KCNMA1: variants seen among roughly 807,000 people sequenced by gnomAD.
KCNMA1 encodes potassium calcium-activated channel subfamily M alpha 1, also known as Calcium-activated potassium channel subunit alpha-1.
KCNMA1 carries 29 observed loss-of-function variants against 140.0 expected under a neutral mutation model. The observed-to-expected ratio is 0.21, with a 90% CI of 0.15 to 0.28. KCNMA1 has a LOEUF of 0.28. Ranked by LOEUF, KCNMA1 falls within the 10% of genes least tolerant of loss-of-function variation. The pLI is 1.00. For missense variants in KCNMA1, 880 were observed against 1,602.2 expected (o/e 0.55, Z 7.70); for synonymous variants, 612 against 611.9 (o/e 1.00, Z 0.00).
intron 9 of KCNMA1, among the ~76,000 whole-genome samples, chr10:77,103,689 C>T (rs558904290): frequency 8.5e-5 from 13 of 152,280 alleles, no homozygotes; most frequent in African/African-American, 2.9e-4. Context: ...TCCTTGAGAG[C>T]CTTTCATTGC....
chr10:77,114,000 C>T (rs2153897760), intron 6 of KCNMA1, among the ~76,000 whole-genome samples: 1 of 152,306 alleles, frequency 6.6e-6, no homozygotes, highest in South Asian at 2.1e-4. Context: ...TTAAGAATCT[C>T]TTCGGGGATG....
chr10:77,445,799 C>T (rs907133103), intron 1 of KCNMA1, among the ~76,000 whole-genome samples: 2 of 152,170 alleles, frequency 1.3e-5, no homozygotes, highest in Admixed American at 1.3e-4. Flanking sequence ...GAGAGGCTAG[C>T]GCAAACAGGC....
At chr10:77,397,437 G>A (rs1010276186) in intron 2 of KCNMA1, among the ~76,000 whole-genome samples, 3 of 152,028 alleles carry the variant, frequency 2.0e-5, no homozygotes, top group Non-Finnish European at 2.9e-5. Flanking sequence ...ATTAGATCAG[G>A]GTAACAGAAA....
intron 1 of KCNMA1, among the ~76,000 whole-genome samples, chr10:77,424,598 A>T (rs903672262): frequency 1.3e-5 from 2 of 152,072 alleles, no homozygotes; most frequent in Non-Finnish European, 2.9e-5. Context: ...AAAAAAAAAA[A>T]TACAATCTCT....
chr10:77,179,554 G>A (rs2098785569), intron 5 of KCNMA1, among the ~76,000 whole-genome samples: 1 of 152,136 alleles, frequency 6.6e-6, no homozygotes, highest in Admixed American at 6.5e-5. Context: ...TTATGAGTAA[G>A]CACCGATGGA....
intron 2 of KCNMA1, among the ~76,000 whole-genome samples, chr10:77,262,557 G>C (rs2062299375): frequency 6.7e-6 from 1 of 148,254 alleles, no homozygotes; most frequent in Admixed American, 6.7e-5. Flanking sequence ...TGTTGGAGGT[G>C]AGGCCTGATG....
Position 77,121,021 on chromosome 10 carries a change from A to G in KCNMA1, c.836T>C (p.Leu279Pro). 6.2e-7 allele frequency: 1 copy of G among 1,601,448 alleles called. No individual in the cohort carries two copies. The highest frequency in any genetic ancestry group is 8.5e-7 in the Non-Finnish European group (1 of 1,169,944). The change falls in exon 6 of 28, where the codon CTG becomes CCG. Residue 279 changes from leucine to proline, a missense_variant. Physicochemically the swap from Leu to Pro is moderately conservative, Grantham distance 98 (BLOSUM62 -3). Transcript: ENST00000286628. ...LGLRFLRALR[L>P]IQFSEILQFL... ...CTGCAAAATTTCTGAAAACTGTATCAGTCTCAGAGCTCTTAAAAATCTCAA... is the reference window on the plus strand; with the variant it reads ...CTGCAAAATTTCTGAAAACTGTATCGGTCTCAGAGCTCTTAAAAATCTCAA...
chr10:77,245,075 A>G (rs953945830), intron 3 of KCNMA1, among the ~76,000 whole-genome samples: 1 of 151,932 alleles, frequency 6.6e-6, no homozygotes, highest in Non-Finnish European at 1.5e-5. Context: ...AGTATTTTAA[A>G]AGGAAAAAAA....
chr10:77,067,937 T>C lies in KCNMA1; in HGVS notation c.1749+5160A>G, dbSNP rs903987419. On this transcript the variant is annotated intron_variant, in intron 14 of 27. Transcript: ENST00000286628. ...CCCCAGGGCATCTCTATTGCATCAA[T>C]AGTTCACATAGAATGAACTATAGAA... 5.9e-5 allele frequency among the ~76,000 whole-genome samples: 9 copies of C among 152,222 alleles called. No homozygotes were observed. The East Asian group carries it at 7.7e-4, about 13-fold the overall frequency.
chr10:77,104,140 C>T (rs141678877), intron 9 of KCNMA1, among the ~76,000 whole-genome samples: 1 of 152,272 alleles, frequency 6.6e-6, no homozygotes, highest in Non-Finnish European at 1.5e-5. Flanking sequence ...GATGGTAATA[C>T]CTTTCTCACA....
At chr10:77,171,400 C>CGTGTGTGTGTGTGTGT (rs60927086) in intron 5 of KCNMA1, among the ~76,000 whole-genome samples, 54 of 129,042 alleles carry the variant, frequency 4.2e-4, no homozygotes, top group Middle Eastern at 4.0e-3. Flanking sequence ...TGTGTGTGTG[C>CGTGTGTGTGTGTGTGT]GTGTGTGTGT....
At chr10:77,494,800 T>C (rs972717424) in intron 1 of KCNMA1, among the ~76,000 whole-genome samples, 1 of 152,178 alleles carries the variant, frequency 6.6e-6, no homozygotes, top group Non-Finnish European at 1.5e-5. Flanking sequence ...GACATGGAGA[T>C]GTCGTTGGGG....
chr10:77,245,375 T>A (rs1324271765), intron 3 of KCNMA1, among the ~76,000 whole-genome samples: 1 of 152,142 alleles, frequency 6.6e-6, no homozygotes, highest in Non-Finnish European at 1.5e-5. Context: ...AAATGCGCTG[T>A]CATGAATGGG....
intron 1 of KCNMA1, among the ~76,000 whole-genome samples, chr10:77,619,016 C>T (rs750970768): frequency 1.3e-5 from 2 of 152,104 alleles, no homozygotes; most frequent in Non-Finnish European, 2.9e-5. Context: ...GTGTGGAGAG[C>T]TTGGGAAGAT....
chr10:77,293,591 C>T (rs1194590821), intron 2 of KCNMA1, among the ~76,000 whole-genome samples: 2 of 152,202 alleles, frequency 1.3e-5, no homozygotes, highest in African/African-American at 2.4e-5. Context: ...TCCACTGGAC[C>T]GTCTAGACTT....
At chr10:76,941,936 T>C (rs565275448) in intron 23 of KCNMA1, among the ~76,000 whole-genome samples, 44 of 152,130 alleles carry the variant, frequency 2.9e-4, no homozygotes, top group Admixed American at 7.2e-4. Flanking sequence ...GAGGGGTCTC[T>C]CTCAGGCTTC....
At chr10:77,468,001 A>G (rs1446793160) in intron 1 of KCNMA1, among the ~76,000 whole-genome samples, 8 of 151,944 alleles carry the variant, frequency 5.3e-5, no homozygotes, top group Non-Finnish European at 1.2e-4. Context: ...TTTTATTTTT[A>G]TTTTTATTTA....
intron 1 of KCNMA1, among the ~76,000 whole-genome samples, chr10:77,569,572 T>C (rs896670537): frequency 1.3e-5 from 2 of 151,680 alleles, no homozygotes; most frequent in African/African-American, 4.9e-5. Context: ...TTACACCTTA[T>C]ACAAAAATCA....
chr10:77,614,759 G>A (rs114925637), intron 1 of KCNMA1, among the ~76,000 whole-genome samples: 155 of 152,236 alleles, frequency 1.0e-3, no homozygotes, highest in African/African-American at 3.5e-3. Context: ...CTCACTGCAT[G>A]AGCAGAGGAA....
Sources: gnomAD v4.1 joint callset for allele counts (sites outside exome capture counted in the v4.1 genomes callset) on GRCh38, gnomAD v4.1.1 for gene constraint, MANE v1.5 for transcripts, NCBI Gene and HGNC (gene_info 2026-07-23, HGNC 2026-07-21) for gene names.